COQ7: variants seen among roughly 807,000 people sequenced by gnomAD.
COQ7 encodes the protein NADPH-dependent 3-demethoxyubiquinone 3-hydroxylase, mitochondrial.
COQ7 carries 21 observed loss-of-function variants against 25.0 expected under a neutral mutation model. The ratio of observed to expected loss-of-function variants is 0.84; its 90% confidence interval spans 0.60 to 1.21. The LOEUF (loss-of-function observed/expected upper bound fraction) is 1.21, where lower values mean the gene tolerates loss of function less well. Among genes scored for constraint, COQ7 ranks in the 50% most tolerant of loss-of-function variants. COQ7 has a pLI of 0.00. For missense variants in COQ7, 311 were observed against 296.2 expected, an observed-to-expected ratio of 1.05 and a Z score of -0.37; for synonymous variants, 125 against 112.4, an observed-to-expected ratio of 1.11 and a Z score of -0.71.
intron 3 of COQ7, among the ~76,000 whole-genome samples, chr16:19,074,658 C>T (rs1962741155): frequency 6.6e-6 from 1 of 152,174 alleles, no homozygotes; most frequent in African/African-American, 2.4e-5. Flanking sequence ...ATCCTCCCAC[C>T]TAAGCCTCTG....
At chr16:19,082,306 A>G (rs925062357), downstream of COQ7, among the ~76,000 whole-genome samples, 2 of 152,174 alleles carry the variant, frequency 1.3e-5, no homozygotes, top group Non-Finnish European at 1.5e-5. Flanking sequence ...ATGTGAATGT[A>G]CTTAATGTCA....
intron 1 of COQ7, 102 bp from the exon 2 acceptor site, chr16:19,071,826 A>G (rs2142369862): frequency 7.6e-7 from 1 of 1,318,774 alleles, no homozygotes; most frequent in Non-Finnish European, 1.1e-6. Flanking sequence ...CCCATGGGGA[A>G]CTGATTTGTG....
chr16:19,082,410 C>T (rs143177613), downstream of COQ7, among the ~76,000 whole-genome samples: 1,933 of 151,962 alleles, frequency 0.013, 47 homozygotes, highest in African/African-American at 0.044. Context: ...GTGGAAGGAT[C>T]GCTTGAGTCC....
chr16:19,080,335 CA>C (rs1043140908), downstream of COQ7, among the ~76,000 whole-genome samples: 4 of 151,880 alleles, frequency 2.6e-5, no homozygotes, highest in Non-Finnish European at 4.4e-5. Flanking sequence ...AATAAACTAC[CA>C]AAAAAAGAAG....
chr16:19,078,070 GT>G lies in COQ7; in HGVS notation c.577-6del. ...TAACATGTTTCTTTGTTTGCTTATT[GT>G]TTTTAACAGGCTCCAGCCTATGCCG... On this transcript the variant is annotated splice_polypyrimidine_tract_variant and intron_variant, in intron 5 of 5. Coordinates refer to ENST00000321998, the MANE Select transcript of COQ7 (RefSeq NM_016138.5). The G allele has an allele frequency of 6.3e-7, 1 of 1,586,378 alleles. No homozygotes were observed. The highest frequency in any genetic ancestry group is 1.8e-5 in the Admixed American group (1 of 55,440).
At chr16:19,068,744 T>TA (rs1196891736) in intron 1 of COQ7, 1 of 342,456 alleles carries the variant, frequency 2.9e-6, no homozygotes, top group African/African-American at 2.1e-5. Flanking sequence ...TTTTGCCTAA[T>TA]GGCAGTACTG....
intron 1 of COQ7, among the ~76,000 whole-genome samples, chr16:19,071,155 A>G (rs1407693610): frequency 6.6e-6 from 1 of 151,994 alleles, no homozygotes; most frequent in African/African-American, 2.4e-5. Flanking sequence ...TTTTGTTTTT[A>G]GACAGAGTCT....
At chr16:19,082,648 G>A (rs1352328116), downstream of COQ7, among the ~76,000 whole-genome samples, 2 of 151,924 alleles carry the variant, frequency 1.3e-5, no homozygotes, top group African/African-American at 4.8e-5. Context: ...GCCGGGCGTA[G>A]TCCCAGCTAC....
intron 1 of COQ7, among the ~76,000 whole-genome samples, chr16:19,070,776 C>T (rs1301804570): frequency 6.6e-6 from 1 of 151,752 alleles, no homozygotes; most frequent in African/African-American, 2.4e-5. Flanking sequence ...GATACCAGTG[C>T]AGATCGAAGC....
chr16:19,069,806 C>A (rs1388974838), intron 1 of COQ7, among the ~76,000 whole-genome samples: 1 of 151,804 alleles, frequency 6.6e-6, no homozygotes, highest in African/African-American at 2.4e-5. Flanking sequence ...TTTTTTGAGA[C>A]AGAGTCTCAC....
chr16:19,081,661 T>A (rs1963101434), downstream of COQ7, among the ~76,000 whole-genome samples: 1 of 152,226 alleles, frequency 6.6e-6, no homozygotes. Flanking sequence ...GAAAAATAAT[T>A]ATTCTTGCTG....
chr16:19,068,701 C>T (rs1426105701), intron 1 of COQ7: 2 of 219,612 alleles, frequency 9.1e-6, no homozygotes, highest in South Asian at 4.7e-5. Flanking sequence ...GTCGTTTTCT[C>T]AACGTTAAAT....
chr16:19,074,539 A>C (rs562450497), intron 3 of COQ7, among the ~76,000 whole-genome samples: 91 of 151,698 alleles, frequency 6.0e-4, no homozygotes, highest in Admixed American at 1.9e-3. Context: ...AAAAACCAAA[A>C]CAAAACAAAA....
At chr16:19,068,126 A>C in intron 1 of COQ7, 1 of 1,062,586 alleles carries the variant, frequency 9.4e-7, no homozygotes, top group Non-Finnish European at 1.1e-6. Flanking sequence ...TAGCCCGACG[A>C]CCAGCAGCCT....
chr16:19,069,615 T>C (rs1962449140), intron 1 of COQ7, among the ~76,000 whole-genome samples: 1 of 152,048 alleles, frequency 6.6e-6, no homozygotes, highest in Non-Finnish European at 1.5e-5. Context: ...TTCGCCATGA[T>C]GACCAGGCTG....
intron 4 of COQ7, among the ~76,000 whole-genome samples, chr16:19,076,263 T>G (rs1962835001): frequency 6.7e-6 from 1 of 149,762 alleles, no homozygotes; most frequent in East Asian, 1.9e-4. Flanking sequence ...AATTTTTTTT[T>G]TTTTTTTTTT....
chr16:19,068,416 C>T (rs556899304), intron 1 of COQ7: 2 of 987,240 alleles, frequency 2.0e-6, no homozygotes, highest in South Asian at 4.5e-5. Context: ...CTTTGGGAGG[C>T]CGAGGCTGGA....
chr16:19,079,708 G>C lies in COQ7; in HGVS notation c.*1550G>C, dbSNP rs1963040839. 1 of 152,126 alleles carries C rather than the reference G, an allele frequency of 6.6e-6. No individual in the cohort carries two copies. Among genetic ancestry groups the C allele is most frequent in the Non-Finnish European group, 1.5e-5 (1 of 68,018 alleles). 9.4% of individuals were successfully genotyped at this position (152,126 alleles called of 1,614,324 possible). A position where few individuals can be genotyped will look rare whatever the true frequency, so the allele number is the denominator to read the frequency against. ...CTTCTGGGAAAGAACCACATTTTAG[G>C]AATTTGCTTCCCACCCAGTGCCCTG... On this transcript the variant is annotated 3_prime_UTR_variant, in exon 6 of 6. Transcript: ENST00000321998.
At chr16:19,081,685 T>A (rs111737031), downstream of COQ7, among the ~76,000 whole-genome samples, 358 of 152,338 alleles carry the variant, frequency 2.4e-3, 3 homozygotes, top group African/African-American at 8.0e-3. Context: ...TTTATGCAAA[T>A]AATCAGGCCA....
Sources: allele counts gnomAD v4.1 joint callset (sites outside exome capture counted in the v4.1 genomes callset), GRCh38; gene constraint gnomAD v4.1.1; transcripts MANE v1.5; gene names NCBI Gene and HGNC (gene_info 2026-07-23, HGNC 2026-07-21).